GLIS1: variants seen among roughly 807,000 people sequenced by gnomAD.
GLIS1 encodes GLIS family zinc finger 1, also known as zinc finger protein GLIS1.
A neutral mutation model predicts 63.8 loss-of-function variants in GLIS1; 24 were observed. The observed-to-expected ratio is 0.38, with a 90% confidence interval of 0.27 to 0.53. The LOEUF (loss-of-function observed/expected upper bound fraction) is 0.53, where lower values mean the gene tolerates loss of function less well. GLIS1 is among the 20% of genes least tolerant of loss of function. The pLI is 0.85. For missense variants in GLIS1, 1,036 were observed against 1,074.1 expected, an observed-to-expected ratio of 0.96 and a Z score of 0.50; for synonymous variants, 450 against 482.5, an observed-to-expected ratio of 0.93 and a Z score of 0.88.
chr1:53,649,664 T>C (rs569484816), intron 2 of GLIS1, among the ~76,000 whole-genome samples: 4 of 152,342 alleles, frequency 2.6e-5, no homozygotes, highest in African/African-American at 9.6e-5. Context: ...CCGGTTGTGG[T>C]TGTCATTTCA....
chr1:53,654,021 C>G (rs1645937228), intron 2 of GLIS1, among the ~76,000 whole-genome samples: 1 of 149,980 alleles, frequency 6.7e-6, no homozygotes, highest in South Asian at 2.3e-4. Context: ...GGGGCAGACA[C>G]AGGAGGCTGT....
At chr1:53,599,359 C>T (rs574549697) in intron 3 of GLIS1, among the ~76,000 whole-genome samples, 64 of 152,274 alleles carry the variant, frequency 4.2e-4, no homozygotes, top group East Asian at 2.5e-3. Context: ...CTTTATAAGA[C>T]GAAAGAGACC....
At chr1:53,573,430 T>C (rs1028913503) in intron 4 of GLIS1, among the ~76,000 whole-genome samples, 1 of 152,142 alleles carries the variant, frequency 6.6e-6, no homozygotes, top group African/African-American at 2.4e-5. Context: ...CTTGGTGTAC[T>C]TCCTCTGACC....
chr1:53,513,353 T>A (rs971987701), intron 8 of GLIS1, among the ~76,000 whole-genome samples: 40 of 152,080 alleles, frequency 2.6e-4, no homozygotes, highest in African/African-American at 9.7e-4. Flanking sequence ...ACCACATCAC[T>A]GCTCAACACT....
chr1:53,663,836 G>A (rs1646057962), intron 2 of GLIS1, among the ~76,000 whole-genome samples: 1 of 152,222 alleles, frequency 6.6e-6, no homozygotes, highest in Non-Finnish European at 1.5e-5. Flanking sequence ...CCAGGCAATA[G>A]CCTTTACAAG....
At chr1:53,730,147 C>T (rs1032721971) in intron 2 of GLIS1, among the ~76,000 whole-genome samples, 1 of 152,266 alleles carries the variant, frequency 6.6e-6, no homozygotes, top group South Asian at 2.1e-4. Flanking sequence ...TATTCTCAGG[C>T]TCTTTAAACC....
chr1:53,714,212 T>A (rs1028500936), intron 2 of GLIS1, among the ~76,000 whole-genome samples: 2 of 152,218 alleles, frequency 1.3e-5, no homozygotes, highest in East Asian at 3.8e-4. Context: ...AAGTCATTCA[T>A]CTTCTGAGTC....
intron 2 of GLIS1, among the ~76,000 whole-genome samples, chr1:53,679,608 C>T (rs1301888832): frequency 6.6e-6 from 1 of 152,196 alleles, no homozygotes; most frequent in East Asian, 1.9e-4. Context: ...GGGCTACTGA[C>T]AGCCACTGTG....
rs1456236863 is a variant in GLIS1, at chr1:53,560,004, C to T, written c.1321-30052G>A. ...GGCTAACTTATCCTTCAAGGTCCAA[C>T]TCAAGTGCTTCCTCCTCTGGGAAGT... On this transcript the variant is annotated intron_variant, in intron 4 of 10. Transcript: ENST00000628545. This position sits in a 1 kb window ranked among gnomAD's most constrained non-coding sequence, Gnocchi z 4.4. 6.6e-6 allele frequency among the ~76,000 whole-genome samples: 1 copy of T among 152,178 alleles called. No individual in the cohort carries two copies. The highest frequency in any genetic ancestry group is 1.5e-5 in the Non-Finnish European group (1 of 68,030).
intron 6 of GLIS1, among the ~76,000 whole-genome samples, chr1:53,524,260 A>T (rs1290541552): frequency 6.6e-6 from 1 of 152,126 alleles, no homozygotes; most frequent in Admixed American, 6.5e-5. Context: ...CACTGCACCC[A>T]TGCCTGACGC....
intron 4 of GLIS1, among the ~76,000 whole-genome samples, chr1:53,553,465 A>T (rs1049574970): frequency 6.6e-6 from 1 of 152,208 alleles, no homozygotes; most frequent in African/African-American, 2.4e-5. Context: ...GCTAAGCATC[A>T]TTCTAGCTGC....
At chr1:53,633,064 G>A (rs1645681816) in intron 2 of GLIS1, among the ~76,000 whole-genome samples, 1 of 148,672 alleles carries the variant, frequency 6.7e-6, no homozygotes. Flanking sequence ...GCGTGTGTAT[G>A]AGTGTGGCTG....
intron 2 of GLIS1, among the ~76,000 whole-genome samples, chr1:53,701,208 T>A (rs556371491): frequency 5.9e-5 from 9 of 152,222 alleles, no homozygotes; most frequent in Non-Finnish European, 1.3e-4. Flanking sequence ...CAGACTATTT[T>A]CCCCAGCAAA....
rs74086348 is a variant in GLIS1, at chr1:53,525,231, G to C, written c.1483-344C>G. 7.2e-3 allele frequency among the ~76,000 whole-genome samples: 1,090 copies of C among 151,892 alleles called. 12 individuals are homozygous for C. Among genetic ancestry groups the C allele is most frequent in the African/African-American group, 0.025 (1,039 of 41,468 alleles). On this transcript the variant is annotated intron_variant, in intron 5 of 10. Coordinates refer to ENST00000628545, the MANE Select transcript of GLIS1 (RefSeq NM_001367484.1). Reference sequence around the variant, plus strand: ...AGTCCACCCTTTGGACCCCACAGCTGCAAGTAAGCATTGAGCAGACAGGGA... The same window carrying C: ...AGTCCACCCTTTGGACCCCACAGCTCCAAGTAAGCATTGAGCAGACAGGGA...
At chr1:53,591,168 G>C (rs1645189724) in intron 4 of GLIS1, among the ~76,000 whole-genome samples, 1 of 152,234 alleles carries the variant, frequency 6.6e-6, no homozygotes, top group South Asian at 2.1e-4. Flanking sequence ...TGGTAGCAGA[G>C]GCCTGTCATG....
intron 4 of GLIS1, among the ~76,000 whole-genome samples, chr1:53,575,399 C>T (rs950413498): frequency 3.3e-5 from 5 of 152,208 alleles, no homozygotes; most frequent in Non-Finnish European, 7.3e-5. Flanking sequence ...TCACTCCATG[C>T]TCTGGGCCTC....
chr1:53,723,088 G>A (rs966775334), intron 2 of GLIS1, among the ~76,000 whole-genome samples: 5 of 151,856 alleles, frequency 3.3e-5, no homozygotes, highest in Non-Finnish European at 5.9e-5. Flanking sequence ...AGCCAAGATC[G>A]TGACACTGCA....
At chr1:53,607,959 T>TC (rs58439966) in intron 2 of GLIS1, among the ~76,000 whole-genome samples, 1,423 of 12,776 alleles carry the variant, frequency 0.11, 20 homozygotes, top group African/African-American at 0.22. Flanking sequence ...GATGTCTCTC[T>TC]TTTTTTTTTT....
chr1:53,566,972 A>C (rs903977718), intron 4 of GLIS1, among the ~76,000 whole-genome samples: 1 of 152,266 alleles, frequency 6.6e-6, no homozygotes, highest in African/African-American at 2.4e-5. Flanking sequence ...ATTGCTATAA[A>C]GATACCTGAA....
Sources: gnomAD v4.1 joint callset for allele counts (sites outside exome capture counted in the v4.1 genomes callset) on GRCh38, gnomAD v4.1.1 for gene constraint, Gnocchi (gnomAD v3.1) non-coding constraint, MANE v1.5 for transcripts, NCBI Gene and HGNC (gene_info 2026-07-23, HGNC 2026-07-21) for gene names.